MTOR: variants seen among roughly 807,000 people sequenced by gnomAD.
The protein encoded by MTOR is mechanistic target of rapamycin kinase, also known as serine/threonine-protein kinase mTOR.
In MTOR, 70 loss-of-function variants were observed where a neutral mutation model predicts 319.8. That is an observed-to-expected ratio of 0.22 (90% CI 0.18 to 0.27). The LOEUF (loss-of-function observed/expected upper bound fraction) is 0.27. MTOR is among the 10% of genes least tolerant of loss of function. The pLI, the probability that MTOR is intolerant of heterozygous loss-of-function variation, is 1.00. For missense variants in MTOR, 1,890 were observed against 3,274.4 expected (o/e 0.58, Z 10.32); for synonymous variants, 1,183 against 1,211.4 (o/e 0.98, Z 0.49).
At chr1:11,180,817 G>A (rs1645123475) in intron 28 of MTOR, among the ~76,000 whole-genome samples, 1 of 148,184 alleles carries the variant, frequency 6.7e-6, no homozygotes, top group African/African-American at 2.5e-5. Context: ...TTGCTCTGTC[G>A]CCAGGCTGGA....
At chr1:11,239,469 T>C (rs563906217) in intron 11 of MTOR, among the ~76,000 whole-genome samples, 1 of 151,222 alleles carries the variant, frequency 6.6e-6, no homozygotes, top group East Asian at 1.9e-4. Context: ...TGTACTTGCT[T>C]GTTTCCCCAC....
chr1:11,124,243 G>A lies in MTOR; in HGVS notation c.6662+255C>T, dbSNP rs1322493903. 6.6e-5 allele frequency among the ~76,000 whole-genome samples: 10 copies of A among 152,142 alleles called. No individual in the cohort carries two copies. In the South Asian group the frequency reaches 1.9e-3, roughly 28 times the overall value. ...CCATGCCCAGCCTTTTTCTTCTAAA[G>A]AGACAGTCTTGCTCTATTACCCAGG... On this transcript the variant is annotated intron_variant, in intron 47 of 57. Transcript: ENST00000361445.
intron 19 of MTOR, among the ~76,000 whole-genome samples, chr1:11,227,586 G>A (rs1374450315): frequency 6.6e-6 from 1 of 151,964 alleles, no homozygotes; most frequent in Non-Finnish European, 1.5e-5. Context: ...TTAGATCTGT[G>A]GTTGGTAGTA....
In MTOR at chr1:11,128,469, A is replaced by G; in HGVS notation, c.5895T>C (p.Gly1965=). The change falls in exon 42 of 58, where the codon GGT becomes GGC. Residue 1965 remains glycine (G), a synonymous_variant. Transcript: ENST00000361445. The surrounding 1 kb of genome is among the most constrained non-coding windows in gnomAD (Gnocchi z 5.3). ...RLIHQLLTDI[G]RYHPQALIYP... is the part of the protein sequence containing the mutation. ...CTCCACATACCTGGGGGTGGTACCG[A>G]CCAATGTCTGTGAGAAGCTGGTGAA... 6.2e-7 allele frequency: 1 copy of G among 1,614,160 alleles called. No individual in the cohort carries two copies. Among genetic ancestry groups the G allele is most frequent in the Non-Finnish European group, 8.5e-7 (1 of 1,180,022 alleles).
intron 9 of MTOR, among the ~76,000 whole-genome samples, chr1:11,242,129 G>A (rs1028894874): frequency 2.0e-5 from 3 of 151,940 alleles, no homozygotes; most frequent in Admixed American, 6.6e-5. Context: ...TCTGGGAGGC[G>A]GAGGTGGGTG....
At chr1:11,201,468 G>A (rs1645966188) in intron 26 of MTOR, among the ~76,000 whole-genome samples, 1 of 152,204 alleles carries the variant, frequency 6.6e-6, no homozygotes, top group Admixed American at 6.5e-5. Context: ...CATCACTACT[G>A]CTAAATATAT....
intron 32 of MTOR, among the ~76,000 whole-genome samples, chr1:11,145,842 T>G (rs572860435): frequency 6.6e-6 from 1 of 152,142 alleles, no homozygotes; most frequent in Non-Finnish European, 1.5e-5. Flanking sequence ...TTGCTGGGCA[T>G]GTTTATGAAA....
rs1381544769 is a variant in MTOR, at chr1:11,234,416, C to T, written c.2209-151G>A. The T allele has an allele frequency of 1.3e-5, 12 of 906,568 alleles. No individual in the cohort carries two copies. The Admixed American group carries it at 2.1e-4, about 16-fold the overall frequency. The allele number at this position is 906,568 out of a possible 1,614,324, so 56.2% of individuals were successfully genotyped here. ...TGCTAGATACTCAATGAGCAACAGA[C>T]TTTTCTGCAACAGGCAGAACAGCCT... On this transcript the variant is annotated intron_variant, in intron 13 of 57. Coordinates refer to ENST00000361445, the MANE Select transcript of MTOR (RefSeq NM_004958.4).
chr1:11,259,354 A>G lies in MTOR; in HGVS notation c.56T>C (p.Val19Ala). 2 of 1,608,666 alleles carry G rather than the reference A, an allele frequency of 1.2e-6. No individual in the cohort carries two copies. Among genetic ancestry groups the G allele is most frequent in the Non-Finnish European group, 1.7e-6 (2 of 1,178,204 alleles). The change falls in exon 2 of 58, where the codon GTG becomes GCG. Residue 19 changes from valine (V) to alanine (A), a missense_variant. This residue lies in a region of MTOR where 85 missense variants were observed against 105.8 expected (regional missense o/e 0.80). Transcript: ENST00000361445. ...ACTGGCAAACTGCTGCAGGACGCTCACATTGCTAGATGTGGTGGCAGCGGT... is the reference window on the plus strand; with the variant it reads ...ACTGGCAAACTGCTGCAGGACGCTCGCATTGCTAGATGTGGTGGCAGCGGT... ...ATTAATTSSNVSVLQQFASGL... is the reference protein window; with the variant it reads ...ATTAATTSSNASVLQQFASGL...
At chr1:11,130,018 T>C (rs980986339) in intron 39 of MTOR, among the ~76,000 whole-genome samples, 180 bp from the exon 40 acceptor site, 2 of 152,232 alleles carry the variant, frequency 1.3e-5, no homozygotes, top group African/African-American at 4.8e-5. Flanking sequence ...AAATGGCAAC[T>C]GTATCATAAC....
chr1:11,106,899 C>G lies in MTOR; in HGVS notation c.*586G>C, dbSNP rs752118655. 7.3e-7 allele frequency: 1 copy of G among 1,364,234 alleles called. No individual in the cohort carries two copies. The highest frequency in any genetic ancestry group is 1.4e-5 in the African/African-American group (1 of 69,814). The allele number at this position is 1,364,234 out of a possible 1,614,324, so 84.5% of individuals were successfully genotyped here. A position where few individuals can be genotyped will look rare whatever the true frequency, so the allele number is the denominator to read the frequency against. On this transcript the variant is annotated 3_prime_UTR_variant, in exon 58 of 58. Coordinates refer to ENST00000361445, the MANE Select transcript of MTOR (RefSeq NM_004958.4). ...AGGTCTTGAATTGAAGCGTGTGAGT[C>G]GCAGCATCACTGGGTCTGATGGAAG... is the stretch of plus-strand genomic sequence containing the variant.
chr1:11,139,512 G>A, intron 35 of MTOR, 21 bp downstream of exon 35: 1 of 1,614,112 alleles, frequency 6.2e-7, no homozygotes, highest in Middle Eastern at 1.6e-4. Context: ...CTGCCCATGT[G>A]GGTGGGTGGT....
At chr1:11,240,260 A>G in intron 11 of MTOR, 43 bp downstream of exon 11, 1 of 1,511,188 alleles carries the variant, frequency 6.6e-7, no homozygotes, top group Non-Finnish European at 8.8e-7. Context: ...CAAAGTTTCC[A>G]GCATCTCTCA....
intron 23 of MTOR, among the ~76,000 whole-genome samples, chr1:11,211,866 T>C (rs893285991): frequency 6.6e-6 from 1 of 152,148 alleles, no homozygotes; most frequent in African/African-American, 2.4e-5. Context: ...CTGAACTCTT[T>C]GAGCAAGCTG....
intron 19 of MTOR, among the ~76,000 whole-genome samples, chr1:11,224,110 C>T (rs1426497491): frequency 2.0e-5 from 3 of 151,490 alleles, no homozygotes; most frequent in Non-Finnish European, 2.9e-5. Flanking sequence ...ACAGCAATCA[C>T]AATAAATGCA....
chr1:11,240,587 T>C lies in MTOR; in HGVS notation c.1542-40A>G, dbSNP rs772552328. The C allele has an allele frequency of 1.9e-6, 3 of 1,597,518 alleles. No homozygotes were observed. In the African/African-American group the frequency reaches 4.0e-5, roughly 21 times the overall value. On this transcript the variant is annotated intron_variant, in intron 10 of 57. Transcript: ENST00000361445. ...ACAAGTCACATAAGGGCTGGGCACA[T>C]GACACTCAGTCTGTTCTTGGGAAGA...
intron 25 of MTOR, among the ~76,000 whole-genome samples, chr1:11,208,368 C>G (rs904009975): frequency 6.6e-6 from 1 of 152,248 alleles, no homozygotes; most frequent in Non-Finnish European, 1.5e-5. Flanking sequence ...AGTAATAAAC[C>G]CCCAGTGCTC....
chr1:11,198,251 G>A (rs946185004), intron 28 of MTOR, among the ~76,000 whole-genome samples: 33 of 152,248 alleles, frequency 2.2e-4, no homozygotes, highest in African/African-American at 5.5e-4. Flanking sequence ...CTCAGAGGAC[G>A]GCATGTTTTT....
In MTOR at chr1:11,199,169, C is replaced by T. The variant is rs1013922065; in HGVS notation, c.4253+89G>A. On this transcript the variant is annotated intron_variant, in intron 28 of 57. Coordinates refer to ENST00000361445, the MANE Select transcript of MTOR (RefSeq NM_004958.4). The surrounding 1 kb of genome is among the most constrained non-coding windows in gnomAD (Gnocchi z 4.5). ...GCAGATTTCACAGAGCAGAAGTCTT[C>T]AAGTGACTCCAGTGAAGTGGCACCA... is the stretch of plus-strand genomic sequence containing the variant. 6.6e-5 allele frequency: 103 copies of T among 1,551,810 alleles called. No individual in the cohort carries two copies. The highest frequency in any genetic ancestry group is 8.9e-5 in the Non-Finnish European group (100 of 1,128,496).
Sources: gnomAD v4.1 joint callset for allele counts (sites outside exome capture counted in the v4.1 genomes callset) on GRCh38, gnomAD v4.1.1 for gene constraint, gnomAD v4.1.1 regional missense constraint, Gnocchi (gnomAD v3.1) non-coding constraint, MANE v1.5 for transcripts, NCBI Gene and HGNC (gene_info 2026-07-23, HGNC 2026-07-21) for gene names.